Variants in IQSEC1 observed in about 807,000 individuals in gnomAD.
The protein encoded by IQSEC1 is IQ motif and SEC7 domain-containing protein 1.
In IQSEC1, 31 loss-of-function variants were observed where a neutral mutation model predicts 91.0. That is an observed-to-expected ratio of 0.34 (90% CI 0.26 to 0.46). The LOEUF (loss-of-function observed/expected upper bound fraction) is 0.46. Ranked by LOEUF, IQSEC1 falls within the 20% of genes least tolerant of loss-of-function variation. IQSEC1 has a pLI of 1.00. For missense variants in IQSEC1, 1,388 were observed against 1,575.6 expected (o/e 0.88, Z 2.02); for synonymous variants, 699 against 662.6 (o/e 1.05, Z -0.84).
chr3:13,198,444 C>CG (rs1283776828), intron 1 of IQSEC1, among the ~76,000 whole-genome samples: 2 of 151,980 alleles, frequency 1.3e-5, no homozygotes, highest in Non-Finnish European at 2.9e-5. Flanking sequence ...CCAGGGTAGG[C>CG]GGGGGGCAGG....
At chr3:13,016,244 C>A (rs1350957392) in intron 1 of IQSEC1, among the ~76,000 whole-genome samples, 1 of 152,246 alleles carries the variant, frequency 6.6e-6, no homozygotes, top group Non-Finnish European at 1.5e-5. Flanking sequence ...CTCCAGGAAG[C>A]CTCCTCTCCG....
chr3:12,903,518 T>C (rs1165644415), intron 12 of IQSEC1, among the ~76,000 whole-genome samples: 1 of 152,174 alleles, frequency 6.6e-6, no homozygotes, highest in Non-Finnish European at 1.5e-5. Context: ...AAGCCTTCCC[T>C]AAGCCAGGAG....
At chr3:13,256,598 A>G (rs1456858760) in intron 1 of IQSEC1, among the ~76,000 whole-genome samples, 1 of 152,074 alleles carries the variant, frequency 6.6e-6, no homozygotes, top group African/African-American at 2.4e-5. Flanking sequence ...GACCTCACCA[A>G]CCCCAAAGCA....
intron 2 of IQSEC1, among the ~76,000 whole-genome samples, chr3:13,130,721 G>T (rs1427192965): frequency 6.6e-6 from 1 of 152,086 alleles, no homozygotes; most frequent in Non-Finnish European, 1.5e-5. Context: ...TGGATCACTT[G>T]AGCCCAGGAG....
chr3:13,234,299 T>C (rs1694885966), intron 1 of IQSEC1, among the ~76,000 whole-genome samples: 2 of 149,522 alleles, frequency 1.3e-5, no homozygotes, highest in East Asian at 4.0e-4. Flanking sequence ...CCTGTGGGTG[T>C]GAGTCCTGTG....
intron 1 of IQSEC1, among the ~76,000 whole-genome samples, chr3:13,237,610 C>T (rs974202585): frequency 6.6e-6 from 1 of 152,234 alleles, no homozygotes; most frequent in African/African-American, 2.4e-5. Flanking sequence ...GCCAGTAAAG[C>T]TGCTCCAAGG....
intron 1 of IQSEC1, among the ~76,000 whole-genome samples, chr3:13,222,717 GGGAAA>G (rs1482842978): frequency 1.3e-5 from 2 of 152,210 alleles, no homozygotes; most frequent in Non-Finnish European, 2.9e-5. Flanking sequence ...AAACAGGCTT[GGGAAA>G]CTGATCACGT....
At position 13,248,409 on chromosome 3, in the gene IQSEC1, T is replaced by C. The variant is rs530521283; in HGVS notation, c.272+34302A>G. 4.6e-5 allele frequency among the ~76,000 whole-genome samples: 7 copies of C among 152,344 alleles called. No homozygotes were observed. In the East Asian group the frequency reaches 1.4e-3, roughly 29 times the overall value. On this transcript the variant is annotated intron_variant, in intron 1 of 15. Coordinates refer to the IQSEC1 transcript ENST00000648114. ...CTGACTCCCACCTGTGCCCAGGTCC[T>C]GGGAAAACTAGAGTCCCTCTGGTTT...
At chr3:12,947,027 A>C (rs1449177058) in intron 1 of IQSEC1, among the ~76,000 whole-genome samples, 1 of 152,164 alleles carries the variant, frequency 6.6e-6, no homozygotes, top group Non-Finnish European at 1.5e-5. Context: ...TGTGAGATGG[A>C]CTCTATTTGC....
chr3:13,122,386 G>A (rs984331941), intron 2 of IQSEC1, among the ~76,000 whole-genome samples: 4 of 152,234 alleles, frequency 2.6e-5, no homozygotes, highest in Non-Finnish European at 4.4e-5. Context: ...TGAGTGAGGA[G>A]GGAGCCACGG....
At position 13,207,317 on chromosome 3, in the gene IQSEC1, C is replaced by G. The variant is rs930168379; in HGVS notation, c.273-43184G>C. On this transcript the variant is annotated intron_variant, in intron 1 of 15. Coordinates refer to the IQSEC1 transcript ENST00000648114. The surrounding 1 kb of genome is among the most constrained non-coding windows in gnomAD (Gnocchi z 4.8). ...ATCCAGCCATGTCGGCAGGTCCTAACAGCTTCCGCTCCAACACCCATCGCC... is the reference window on the plus strand; with the variant it reads ...ATCCAGCCATGTCGGCAGGTCCTAAGAGCTTCCGCTCCAACACCCATCGCC... Among the ~76,000 whole-genome samples, 2 of 152,148 alleles carry G rather than the reference C, an allele frequency of 1.3e-5. No homozygotes were observed. Among genetic ancestry groups the G allele is most frequent in the African/African-American group, 4.8e-5 (2 of 41,420 alleles).
rs552155631 is a variant in IQSEC1 at position 12,987,222 on chromosome 3, C to T, written c.24-45357G>A. Among the ~76,000 whole-genome samples the T allele has an allele frequency of 5.3e-5, 8 of 152,356 alleles. No individual in the cohort carries two copies. In the East Asian group the frequency reaches 1.5e-3, roughly 29 times the overall value. Reference sequence around the variant, plus strand: ...GAGCAGCAGCTGGTCCTGCTGGGGGCGGGGAGGGCTGTCCGCCTTGCCCTC... The same window carrying T: ...GAGCAGCAGCTGGTCCTGCTGGGGGTGGGGAGGGCTGTCCGCCTTGCCCTC... On this transcript the variant is annotated intron_variant, in intron 1 of 13. Coordinates refer to ENST00000613206, the MANE Select transcript of IQSEC1 (RefSeq NM_001134382.3).
At chr3:12,919,356 C>A (rs1413107729) in intron 6 of IQSEC1, among the ~76,000 whole-genome samples, 1 of 152,198 alleles carries the variant, frequency 6.6e-6, no homozygotes, top group Non-Finnish European at 1.5e-5. Flanking sequence ...CCCCTTCCTG[C>A]CTCCCAAGGG....
At chr3:12,961,064 C>T (rs1700211956) in intron 1 of IQSEC1, among the ~76,000 whole-genome samples, 3 of 152,246 alleles carry the variant, frequency 2.0e-5, no homozygotes, top group Admixed American at 2.0e-4. Context: ...GGCAGACAGA[C>T]CAGCTGAAGA....
At position 13,210,712 on chromosome 3, in the gene IQSEC1, G is replaced by A. The variant is rs9874490; in HGVS notation, c.273-46579C>T. ...GTTTTCCTAAGAAGGAGAGTGTCTC[G>A]GGGGCCGAACTCCACAGAGCTGAGT... is the stretch of plus-strand genomic sequence containing the variant. On this transcript the variant is annotated intron_variant, in intron 1 of 15. Transcript: ENST00000648114. 6.3e-3 allele frequency among the ~76,000 whole-genome samples: 953 copies of A among 152,274 alleles called. 6 individuals carry two copies. The highest frequency in any genetic ancestry group is 0.022 in the African/African-American group (899 of 41,556).
In IQSEC1 at chr3:12,967,234, G is replaced by C. The variant is rs1279926713; in HGVS notation, c.24-25369C>G. Among the ~76,000 whole-genome samples, 1 of 152,168 alleles carries C rather than the reference G, an allele frequency of 6.6e-6. No individual in the cohort carries two copies. Among genetic ancestry groups the C allele is most frequent in the Non-Finnish European group, 1.5e-5 (1 of 68,024 alleles). On this transcript the variant is annotated intron_variant, in intron 1 of 13. Transcript: ENST00000613206. The surrounding 1 kb of genome is among the most constrained non-coding windows in gnomAD (Gnocchi z 5.9). The stretch of plus-strand genomic sequence containing the variant: ...TTCTCTCACCCAAACCCACAGTCTG[G>C]CGGACGCACCCCGCCCCGCAGGCAG...
intron 1 of IQSEC1, chr3:13,022,434 G>A: frequency 9.6e-7 from 1 of 1,038,524 alleles, no homozygotes; most frequent in Non-Finnish European, 1.2e-6. Flanking sequence ...CCTCCTGCCA[G>A]GAGACAGCAG....
intron 1 of IQSEC1, among the ~76,000 whole-genome samples, chr3:12,984,699 A>G (rs1292879372): frequency 6.6e-6 from 1 of 152,168 alleles, no homozygotes; most frequent in Admixed American, 6.5e-5. Context: ...TACATGGACA[A>G]AGATAAGTCG....
intron 1 of IQSEC1, among the ~76,000 whole-genome samples, chr3:12,991,413 C>G (rs1576126654): frequency 6.6e-6 from 1 of 152,204 alleles, no homozygotes; most frequent in African/African-American, 2.4e-5. Context: ...GAATGCTGAT[C>G]TGAGATGCGG....
Sources: gnomAD v4.1 joint callset for allele counts (sites outside exome capture counted in the v4.1 genomes callset) on GRCh38, gnomAD v4.1.1 for gene constraint, Gnocchi (gnomAD v3.1) non-coding constraint, MANE v1.5 for transcripts, NCBI Gene and HGNC (gene_info 2026-07-23, HGNC 2026-07-21) for gene names.